The following ASTN2 variants were observed in gnomAD, a reference collection of about 807,000 sequenced individuals.
The protein encoded by ASTN2 is astrotactin-2.
Under a neutral mutation model 139.8 loss-of-function variants are expected in ASTN2, and 54 were observed. That is an observed-to-expected ratio of 0.39 (90% confidence interval 0.31 to 0.48). The LOEUF (loss-of-function observed/expected upper bound fraction) is 0.48. Ranked by LOEUF, ASTN2 falls within the 20% of genes least tolerant of loss-of-function variation. The pLI, the probability that ASTN2 is intolerant of heterozygous loss-of-function variation, is 0.95. For missense variants in ASTN2, 1,565 were observed against 1,725.1 expected (o/e 0.91, Z 1.64); for synonymous variants, 756 against 719.5 (o/e 1.05, Z -0.81).
intron 10 of ASTN2, among the ~76,000 whole-genome samples, chr9:116,936,746 G>T (rs1835094293): frequency 6.6e-6 from 1 of 152,064 alleles, no homozygotes; most frequent in Non-Finnish European, 1.5e-5. Context: ...GGTGAATCTG[G>T]TGGCTTCAGA....
chr9:116,637,038 G>C (rs1490090173), intron 17 of ASTN2, among the ~76,000 whole-genome samples: 1 of 152,190 alleles, frequency 6.6e-6, no homozygotes, highest in Non-Finnish European at 1.5e-5. Context: ...TGGAAGCAGA[G>C]AGCAACCCTC....
chr9:117,155,834 T>C (rs1564453377), intron 3 of ASTN2, among the ~76,000 whole-genome samples: 1 of 152,050 alleles, frequency 6.6e-6, no homozygotes, highest in Non-Finnish European at 1.5e-5. Context: ...TCCTAACTTT[T>C]CATTCAATTA....
At chr9:116,486,632 TGGG>T (rs1362725686) in intron 20 of ASTN2, among the ~76,000 whole-genome samples, 2 of 152,154 alleles carry the variant, frequency 1.3e-5, no homozygotes, top group East Asian at 3.9e-4. Flanking sequence ...ATTCCATAAT[TGGG>T]GTACATAAGG....
At chr9:117,388,582 A>G (rs957217568) in intron 1 of ASTN2, among the ~76,000 whole-genome samples, 7 of 152,348 alleles carry the variant, frequency 4.6e-5, no homozygotes, top group Admixed American at 3.9e-4. Flanking sequence ...TTAAATAAAC[A>G]GAGTTGGCTT....
rs548439811 is a variant in ASTN2, at chr9:117,363,167, G to C, written c.442+51330C>G. ...CTCTTCTGAGTATGTTCAGAAGGGA[G>C]CTATCTGTTTCCTGCCAGGACCCTG... On this transcript the variant is annotated intron_variant, in intron 1 of 22. Transcript: ENST00000313400. Among the ~76,000 whole-genome samples, 24 of 152,208 alleles carry C rather than the reference G, an allele frequency of 1.6e-4. No homozygotes were observed. In the South Asian group the frequency reaches 5.0e-3, roughly 32 times the overall value.
chr9:116,840,533 G>A lies in ASTN2; in HGVS notation c.2041-19750C>T, dbSNP rs1417219937. Among the ~76,000 whole-genome samples the A allele has an allele frequency of 5.6e-5, 7 of 125,884 alleles. No homozygotes were observed. In the East Asian group the frequency reaches 7.8e-4, roughly 14 times the overall value. The allele number at this position is 125,884 out of a possible 152,430, so 82.6% of individuals were successfully genotyped here. A position where few individuals can be genotyped will look rare whatever the true frequency, so the allele number is the denominator to read the frequency against. ...GACCCCCCCCACCTCCCTCCTGGAC[G>A]GGGCGGCTGGCCGGGTGGGGGGCTG... is the stretch of plus-strand genomic sequence containing the variant. On this transcript the variant is annotated intron_variant, in intron 11 of 22. Transcript: ENST00000313400.
At chr9:117,174,741 C>A (rs1830876186) in intron 3 of ASTN2, among the ~76,000 whole-genome samples, 1 of 151,946 alleles carries the variant, frequency 6.6e-6, no homozygotes, top group African/African-American at 2.4e-5. Context: ...ATTGTAATAT[C>A]CAATCACGGC....
chr9:116,455,850 T>C (rs1848316892), intron 20 of ASTN2, among the ~76,000 whole-genome samples: 2 of 151,786 alleles, frequency 1.3e-5, no homozygotes, highest in South Asian at 4.1e-4. Flanking sequence ...AAATATTAGA[T>C]ATAAAACAGT....
chr9:116,580,501 T>G (rs149470410), intron 19 of ASTN2, among the ~76,000 whole-genome samples: 180 of 152,282 alleles, frequency 1.2e-3, no homozygotes, highest in African/African-American at 4.1e-3. Flanking sequence ...CCAGTTACTC[T>G]GAATACCCTG....
At chr9:117,178,043 T>A (rs1031466211) in intron 3 of ASTN2, among the ~76,000 whole-genome samples, 11 of 152,182 alleles carry the variant, frequency 7.2e-5, no homozygotes, top group African/African-American at 2.7e-4. Context: ...ACCCACTCCA[T>A]CCTATTGTCC....
intron 11 of ASTN2, among the ~76,000 whole-genome samples, chr9:116,828,457 A>C (rs1414299236): frequency 6.6e-6 from 1 of 152,168 alleles, no homozygotes; most frequent in African/African-American, 2.4e-5. Flanking sequence ...AGAATTCAGG[A>C]AAAAAGCCAT....
At chr9:116,904,668 G>A (rs1403523378) in intron 10 of ASTN2, among the ~76,000 whole-genome samples, 1 of 152,188 alleles carries the variant, frequency 6.6e-6, no homozygotes, top group Non-Finnish European at 1.5e-5. Context: ...TAGTTGGAGT[G>A]CTATAGAAGT....
intron 20 of ASTN2, among the ~76,000 whole-genome samples, chr9:116,471,533 C>T (rs760934295): frequency 6.6e-5 from 10 of 151,772 alleles, no homozygotes; most frequent in Non-Finnish European, 1.2e-4. Flanking sequence ...AGAACAAACA[C>T]GCGAAGAATG....
At chr9:116,723,236 GC>G (rs1345607265) in intron 16 of ASTN2, among the ~76,000 whole-genome samples, 2 of 151,938 alleles carry the variant, frequency 1.3e-5, no homozygotes, top group African/African-American at 4.8e-5. Context: ...CTCAGCCAAT[GC>G]CCACAATTTT....
At chr9:116,665,127 T>C (rs989122903) in intron 16 of ASTN2, among the ~76,000 whole-genome samples, 13 of 152,196 alleles carry the variant, frequency 8.5e-5, no homozygotes, top group African/African-American at 2.7e-4. Context: ...CCTGAAGCCT[T>C]ACCAGAAGCT....
chr9:117,088,671 A>G (rs1406203838), intron 5 of ASTN2, among the ~76,000 whole-genome samples: 1 of 152,248 alleles, frequency 6.6e-6, no homozygotes, highest in Non-Finnish European at 1.5e-5. Flanking sequence ...GAAATAAGAC[A>G]ACCAGTAGCA....
intron 2 of ASTN2, among the ~76,000 whole-genome samples, chr9:117,263,628 G>A (rs1490014212): frequency 6.6e-6 from 1 of 152,174 alleles, no homozygotes; most frequent in Non-Finnish European, 1.5e-5. Context: ...CTCGGGAATT[G>A]AAGTAGTGAT....
intron 6 of ASTN2, among the ~76,000 whole-genome samples, chr9:117,015,079 T>C (rs147864584): frequency 2.7e-4 from 41 of 152,280 alleles, no homozygotes; most frequent in African/African-American, 8.9e-4. Flanking sequence ...AGTGGTGCGA[T>C]GACTCACTGC....
chr9:117,179,728 G>C (rs1238276256), intron 3 of ASTN2, among the ~76,000 whole-genome samples: 1 of 152,124 alleles, frequency 6.6e-6, no homozygotes, highest in South Asian at 2.1e-4. Context: ...GGGCCTAAAG[G>C]CACAGGCAGG....
Sources: allele counts gnomAD v4.1 joint callset (sites outside exome capture counted in the v4.1 genomes callset), GRCh38; gene constraint gnomAD v4.1.1; transcripts MANE v1.5; gene names NCBI Gene and HGNC (gene_info 2026-07-23, HGNC 2026-07-21).